The following VPS13A variants were observed in gnomAD, a reference collection of about 807,000 sequenced individuals.
The protein encoded by VPS13A is intermembrane lipid transfer protein VPS13A.
Under a neutral mutation model 390.9 loss-of-function variants are expected in VPS13A, and 264 were observed. That is an observed-to-expected ratio of 0.68 (90% CI 0.61 to 0.75). VPS13A has a LOEUF of 0.75. Among genes scored for constraint, VPS13A ranks in the 30% least tolerant of loss-of-function variants. The pLI, the probability that VPS13A is intolerant of heterozygous loss-of-function variation, is 0.00. For missense variants in VPS13A, 3,409 were observed against 3,733.9 expected, an observed-to-expected ratio of 0.91 and a Z score of 2.27; for synonymous variants, 1,231 against 1,227.1, an observed-to-expected ratio of 1.00 and a Z score of -0.07.
intron 68 of VPS13A, among the ~76,000 whole-genome samples, chr9:77,386,788 A>G (rs1833705274): frequency 6.6e-6 from 1 of 151,340 alleles, no homozygotes; most frequent in African/African-American, 2.4e-5. Context: ...GCTGACTGCA[A>G]ACTCCACCTC....
rs1351948262 is a variant in VPS13A at position 77,419,781 on chromosome 9, T to C, written c.*3775T>C. ...ATAATAGAACTGGGGACATACATTG[T>C]CCTTTTGAGTCCGTTGAATCTGCAC... On this transcript the variant is annotated 3_prime_UTR_variant, in exon 72 of 72. Coordinates refer to ENST00000360280, the MANE Select transcript of VPS13A (RefSeq NM_033305.3). 1 of 152,188 alleles carries C rather than the reference T, an allele frequency of 6.6e-6. No individual in the cohort carries two copies. The highest frequency in any genetic ancestry group is 1.5e-5 in the Non-Finnish European group (1 of 68,034). 9.4% of individuals were successfully genotyped at this position (152,188 alleles called of 1,614,324 possible).
chr9:77,388,658 T>TATA (rs1833788390), intron 68 of VPS13A, among the ~76,000 whole-genome samples: 1 of 152,180 alleles, frequency 6.6e-6, no homozygotes, highest in Non-Finnish European at 1.5e-5. Flanking sequence ...TTCTGGATCT[T>TATA]AGAGATCCTC....
intron 34 of VPS13A, 66 bp from the exon 35 acceptor site, chr9:77,307,879 T>C: frequency 7.6e-6 from 10 of 1,317,220 alleles, no homozygotes; most frequent in Non-Finnish European, 1.1e-5. Context: ...CTGAGAATTT[T>C]AACTGCAGTT....
intron 17 of VPS13A, among the ~76,000 whole-genome samples, chr9:77,231,930 G>A (rs1823854403): frequency 6.6e-6 from 1 of 152,090 alleles, no homozygotes; most frequent in Non-Finnish European, 1.5e-5. Flanking sequence ...TTTTGTAAAT[G>A]GCATAAGGAA....
intron 1 of VPS13A, among the ~76,000 whole-genome samples, chr9:77,179,364 C>G (rs1207707862): frequency 6.6e-6 from 1 of 152,152 alleles, no homozygotes; most frequent in East Asian, 1.9e-4. Flanking sequence ...CTCAGCTGCT[C>G]CTTTGCAGTT....
chr9:77,356,960 T>A, intron 55 of VPS13A, 93 bp downstream of exon 55: 1 of 1,398,874 alleles, frequency 7.1e-7, no homozygotes, highest in Admixed American at 1.9e-5. Flanking sequence ...TTTGGCTTCC[T>A]TATAAAACAA....
At chr9:77,278,793 A>C (rs1826844134) in intron 26 of VPS13A, among the ~76,000 whole-genome samples, 1 of 152,216 alleles carries the variant, frequency 6.6e-6, no homozygotes, top group Non-Finnish European at 1.5e-5. Context: ...GAGTTTTAAA[A>C]GCTTTCTATA....
At chr9:77,224,156 C>T (rs1823378229) in intron 13 of VPS13A, among the ~76,000 whole-genome samples, 1 of 152,076 alleles carries the variant, frequency 6.6e-6, no homozygotes, top group African/African-American at 2.4e-5. Flanking sequence ...AATATTATTG[C>T]TAATAGACAA....
chr9:77,300,876 A>G (rs1306385900), intron 33 of VPS13A, among the ~76,000 whole-genome samples: 2 of 152,262 alleles, frequency 1.3e-5, no homozygotes, highest in African/African-American at 4.8e-5. Flanking sequence ...TATTCATTAT[A>G]TGGCACATGC....
At chr9:77,358,322 CAT>C (rs1563956479) in intron 56 of VPS13A, 33 bp from the exon 57 acceptor site, 4 of 1,495,332 alleles carry the variant, frequency 2.7e-6, no homozygotes, top group South Asian at 2.3e-5. Flanking sequence ...GTATAATTGA[CAT>C]ATTAATATAC....
chr9:77,376,321 G>T (rs1488385829), intron 67 of VPS13A, among the ~76,000 whole-genome samples: 2 of 152,176 alleles, frequency 1.3e-5, no homozygotes, highest in East Asian at 3.9e-4. Context: ...TTTTGCTTAA[G>T]ATGAGAGGCC....
intron 17 of VPS13A, among the ~76,000 whole-genome samples, chr9:77,235,711 A>G (rs1824105493): frequency 6.6e-6 from 1 of 152,072 alleles, no homozygotes; most frequent in South Asian, 2.1e-4. Context: ...CACTTTAGGC[A>G]CTGTTCATTG....
chr9:77,216,640 T>C (rs1359588664), intron 10 of VPS13A, among the ~76,000 whole-genome samples: 2 of 152,262 alleles, frequency 1.3e-5, no homozygotes, highest in East Asian at 3.9e-4. Flanking sequence ...TTAAAAAATA[T>C]GTATCTGAGG....
intron 23 of VPS13A, among the ~76,000 whole-genome samples, chr9:77,264,558 A>G (rs1384415559): frequency 1.3e-5 from 2 of 152,174 alleles, no homozygotes; most frequent in East Asian, 3.9e-4. Context: ...CTTTGAAGCA[A>G]TTGTGAATGG....
intron 9 of VPS13A, 38 bp from the exon 10 acceptor site, chr9:77,214,291 G>A (rs1224177887): frequency 1.3e-6 from 2 of 1,574,408 alleles, no homozygotes; most frequent in South Asian, 1.1e-5. Flanking sequence ...AAGACATATT[G>A]GCATGAATAT....
intron 68 of VPS13A, among the ~76,000 whole-genome samples, chr9:77,386,962 C>T (rs1445421766): frequency 1.3e-5 from 2 of 151,970 alleles, no homozygotes; most frequent in Admixed American, 1.3e-4. Context: ...CCTCGGCCTC[C>T]CAAGGTGCTG....
intron 1 of VPS13A, among the ~76,000 whole-genome samples, chr9:77,192,556 C>T (rs72740399): frequency 0.054 from 8,250 of 152,170 alleles, 329 homozygotes; most frequent in South Asian, 0.12. Context: ...GTTCCCTTAG[C>T]ATTTACTTGT....
chr9:77,254,058 C>G (rs896753785), intron 22 of VPS13A, among the ~76,000 whole-genome samples: 1 of 150,706 alleles, frequency 6.6e-6, no homozygotes, highest in Non-Finnish European at 1.5e-5. Flanking sequence ...ATTCTCCTGC[C>G]TCAGCCTCCC....
rs762047869 is a variant in VPS13A, at chr9:77,226,021, T to C, written c.1224+33T>C. 5.8e-6 allele frequency: 9 copies of C among 1,554,604 alleles called. No homozygotes were observed. The African/African-American group carries it at 1.2e-4, about 21-fold the overall frequency. ...TTGGCTTTTCAATTAGTAAAAATAATTCTGAATTCCATATAGATATGACAG... is the reference window on the plus strand; with the variant it reads ...TTGGCTTTTCAATTAGTAAAAATAACTCTGAATTCCATATAGATATGACAG... On this transcript the variant is annotated intron_variant, in intron 14 of 71. Transcript: ENST00000360280.
Sources: gnomAD v4.1 joint callset for allele counts (sites outside exome capture counted in the v4.1 genomes callset) on GRCh38, gnomAD v4.1.1 for gene constraint, MANE v1.5 for transcripts, NCBI Gene and HGNC (gene_info 2026-07-23, HGNC 2026-07-21) for gene names.